PCLO: variants seen among roughly 807,000 people sequenced by gnomAD.
PCLO encodes piccolo presynaptic cytomatrix protein, also known as protein piccolo.
In PCLO, 82 loss-of-function variants were observed where a neutral mutation model predicts 427.5. The observed-to-expected ratio is 0.19, with a 90% CI of 0.16 to 0.23. The LOEUF (loss-of-function observed/expected upper bound fraction) is 0.23. PCLO is among the 10% of genes least tolerant of loss of function. PCLO has a pLI of 1.00. For missense variants in PCLO, 6,239 were observed against 6,115.9 expected, an observed-to-expected ratio of 1.02 and a Z score of -0.67; for synonymous variants, 2,357 against 2,155.4, an observed-to-expected ratio of 1.09 and a Z score of -2.59.
chr7:82,794,450 A>ATTTTTTTTTT (rs141105612), intron 22 of PCLO, among the ~76,000 whole-genome samples: 1 of 62,030 alleles, frequency 1.6e-5, no homozygotes, highest in Non-Finnish European at 3.9e-5. Context: ...TAGTTCATAA[A>ATTTTTTTTTT]TTTTTTTTCT....
Position 82,757,009 on chromosome 7 carries a change from T to C in PCLO, c.*1566A>G, listed in dbSNP as rs2129467408. 6.6e-6 allele frequency: 1 copy of C among 152,260 alleles called. No homozygotes were observed. Among genetic ancestry groups the C allele is most frequent in the African/African-American group, 2.4e-5 (1 of 41,576 alleles). 9.4% of individuals were successfully genotyped at this position (152,260 alleles called of 1,614,324 possible). On this transcript the variant is annotated 3_prime_UTR_variant, in exon 25 of 25. Coordinates refer to ENST00000333891, the MANE Select transcript of PCLO (RefSeq NM_033026.6). The stretch of plus-strand genomic sequence containing the variant: ...AATAATTATTCCTCACTTCTGTGTA[T>C]AAAACTATATTTGGAAATGTGCTTT...
intron 9 of PCLO, chr7:82,879,900 T>C (rs1370984906): frequency 2.3e-6 from 1 of 430,628 alleles, no homozygotes; most frequent in Non-Finnish European, 4.6e-6. Context: ...ATTTATAAAG[T>C]GAAAACATGA....
intron 13 of PCLO, among the ~76,000 whole-genome samples, chr7:82,842,048 A>G (rs1189025368): frequency 1.3e-5 from 2 of 152,108 alleles, no homozygotes; most frequent in African/African-American, 2.4e-5. Flanking sequence ...CATTCCTAAA[A>G]TTCATTTACA....
intron 2 of PCLO, among the ~76,000 whole-genome samples, chr7:83,145,294 T>C (rs1416564066): frequency 6.6e-6 from 1 of 152,164 alleles, no homozygotes; most frequent in African/African-American, 2.4e-5. Flanking sequence ...GACAGAAGTA[T>C]GTATGAAGGA....
At chr7:83,053,834 C>T (rs1789312736) in intron 3 of PCLO, among the ~76,000 whole-genome samples, 1 of 151,784 alleles carries the variant, frequency 6.6e-6, no homozygotes, top group South Asian at 2.1e-4. Flanking sequence ...AATATTTATA[C>T]ACCCCAGAGG....
intron 3 of PCLO, among the ~76,000 whole-genome samples, chr7:83,035,533 A>C (rs1436124778): frequency 1.3e-5 from 2 of 152,146 alleles, no homozygotes; most frequent in Non-Finnish European, 2.9e-5. Context: ...TCTGTAGTAT[A>C]TTAACTGGTT....
In PCLO at chr7:82,916,285, T is replaced by C. The variant is rs1584148138; in HGVS notation, c.11701A>G (p.Thr3901Ala). The change falls in exon 7 of 25, where the codon ACC (threonine) becomes GCC (alanine). Residue 3901 changes from threonine (T) to alanine (A), a missense_variant. Transcript: ENST00000333891. Reference protein sequence around the residue: ...SSPALPTQAPTSYTQQSHFEQ... With the variant: ...SSPALPTQAPASYTQQSHFEQ... Reference sequence around the variant, plus strand: ...AAATGAGACTGTTGAGTGTATGAGGTGGGTGCTTGGGTAGGAAGAGCAGGG... The same window carrying C: ...AAATGAGACTGTTGAGTGTATGAGGCGGGTGCTTGGGTAGGAAGAGCAGGG... The C allele has an allele frequency of 6.2e-7, 1 of 1,613,440 alleles. No individual in the cohort carries two copies. Among genetic ancestry groups the C allele is most frequent in the Non-Finnish European group, 8.5e-7 (1 of 1,179,690 alleles).
chr7:82,945,033 T>C (rs1795168960), intron 6 of PCLO, among the ~76,000 whole-genome samples: 1 of 152,132 alleles, frequency 6.6e-6, no homozygotes, highest in Admixed American at 6.5e-5. Context: ...TAAATCATGA[T>C]GAAAATACAG....
At chr7:83,058,053 G>T (rs1789446503) in intron 3 of PCLO, among the ~76,000 whole-genome samples, 1 of 152,174 alleles carries the variant, frequency 6.6e-6, no homozygotes, top group Admixed American at 6.5e-5. Context: ...CTTTGAAGAA[G>T]AGAAGCTTGG....
rs148815025 is a variant in PCLO at position 82,862,938 on chromosome 7, C to T, written c.13655-15691G>A. Among the ~76,000 whole-genome samples the T allele has an allele frequency of 1.1e-3, 162 of 151,942 alleles. 1 individual carries two copies. Among genetic ancestry groups the T allele is most frequent in the African/African-American group, 3.7e-3 (155 of 41,516 alleles). ...ATAAATAAGACCTGCTATTCGATGGCACAATAGTGTGACTATAGTCAATAA... is the reference window on the plus strand; with the variant it reads ...ATAAATAAGACCTGCTATTCGATGGTACAATAGTGTGACTATAGTCAATAA... On this transcript the variant is annotated intron_variant, in intron 10 of 24. Coordinates refer to ENST00000333891, the MANE Select transcript of PCLO (RefSeq NM_033026.6).
At chr7:83,097,327 C>A (rs1220312103) in intron 3 of PCLO, among the ~76,000 whole-genome samples, 6 of 143,470 alleles carry the variant, frequency 4.2e-5, no homozygotes. Context: ...TCAAGACCAT[C>A]CTGGCTAAAA....
At chr7:83,035,608 C>A (rs1404509114) in intron 3 of PCLO, among the ~76,000 whole-genome samples, 1 of 152,012 alleles carries the variant, frequency 6.6e-6, no homozygotes, top group Non-Finnish European at 1.5e-5. Flanking sequence ...TACTCTAAGA[C>A]CTTTTTTTAA....
intron 3 of PCLO, among the ~76,000 whole-genome samples, chr7:82,977,469 A>G (rs2115747210): frequency 6.6e-6 from 1 of 151,046 alleles, no homozygotes; most frequent in South Asian, 2.1e-4. Flanking sequence ...GCTGGGGTGC[A>G]ATGGTGTGAC....
At chr7:82,927,659 G>C (rs1411014105) in intron 6 of PCLO, among the ~76,000 whole-genome samples, 3 of 151,990 alleles carry the variant, frequency 2.0e-5, no homozygotes, top group East Asian at 1.9e-4. Context: ...TTCTCATCAT[G>C]GTCTTTTAAA....
At chr7:82,784,034 ACAT>A (rs1376558842) in intron 22 of PCLO, among the ~76,000 whole-genome samples, 6 of 152,318 alleles carry the variant, frequency 3.9e-5, no homozygotes, top group South Asian at 4.1e-4. Context: ...CCTGATACAG[ACAT>A]CATCATTTCT....
chr7:83,033,057 C>T (rs190518210), intron 3 of PCLO, among the ~76,000 whole-genome samples: 1 of 152,128 alleles, frequency 6.6e-6, no homozygotes, highest in East Asian at 1.9e-4. Context: ...CCTACTCACC[C>T]TCTCTCTCTC....
chr7:83,045,463 GA>G (rs1789081431), intron 3 of PCLO, among the ~76,000 whole-genome samples: 1 of 151,944 alleles, frequency 6.6e-6, no homozygotes, highest in Non-Finnish European at 1.5e-5. Flanking sequence ...CTGCCTTCTG[GA>G]ACACATATTA....
intron 3 of PCLO, among the ~76,000 whole-genome samples, chr7:82,972,622 A>C (rs373202318): frequency 6.6e-6 from 1 of 152,148 alleles, no homozygotes; most frequent in East Asian, 1.9e-4. Context: ...AGTGATTAGG[A>C]AGCTTGTATC....
chr7:83,051,268 G>T (rs1789247409), intron 3 of PCLO, among the ~76,000 whole-genome samples: 1 of 148,296 alleles, frequency 6.7e-6, no homozygotes, highest in Non-Finnish European at 1.5e-5. Flanking sequence ...AGACAAAACT[G>T]ATTGTTCACA....
Sources: allele counts gnomAD v4.1 joint callset (sites outside exome capture counted in the v4.1 genomes callset), GRCh38; gene constraint gnomAD v4.1.1; transcripts MANE v1.5; gene names NCBI Gene and HGNC (gene_info 2026-07-23, HGNC 2026-07-21).